ITFG2: variants seen among roughly 807,000 people sequenced by gnomAD.
ITFG2 encodes KICSTOR complex protein ITFG2.
Under a neutral mutation model 54.4 loss-of-function variants are expected in ITFG2, and 36 were observed. The observed-to-expected ratio is 0.66, with a 90% CI of 0.51 to 0.87. ITFG2 has a LOEUF of 0.87. Ranked by LOEUF, ITFG2 falls within the 40% of genes least tolerant of loss-of-function variation. The pLI, the probability that ITFG2 is intolerant of heterozygous loss-of-function variation, is 0.00. For missense variants in ITFG2, 524 were observed against 576.7 expected, an observed-to-expected ratio of 0.91 and a Z score of 0.94; for synonymous variants, 211 against 225.4, an observed-to-expected ratio of 0.94 and a Z score of 0.57.
chr12:2,819,334 G>A (rs2097934150), intron 4 of ITFG2, among the ~76,000 whole-genome samples: 2 of 152,138 alleles, frequency 1.3e-5, no homozygotes, highest in South Asian at 4.1e-4. Flanking sequence ...CGGGCATGGT[G>A]GTGGGCACCT....
chr12:2,843,587 T>G (rs887586136), intron 2 of ITFG2, among the ~76,000 whole-genome samples: 1 of 151,502 alleles, frequency 6.6e-6, no homozygotes, highest in Non-Finnish European at 1.5e-5. Flanking sequence ...CCGAGGTGGG[T>G]GGATCACCTG....
downstream of ITFG2, chr12:2,827,213 GC>G (rs1238362018): frequency 5.6e-6 from 9 of 1,614,116 alleles, no homozygotes; most frequent in Non-Finnish European, 7.6e-6. The surrounding 1 kb of genome is among the most constrained non-coding windows in gnomAD (Gnocchi z 4.0). Flanking sequence ...GCAGTCACTG[GC>G]CAGGCTCTTG....
intron 1 of ITFG2, among the ~76,000 whole-genome samples, chr12:2,838,602 T>C (rs1302598624): frequency 6.6e-6 from 1 of 152,192 alleles, no homozygotes; most frequent in Admixed American, 6.5e-5. Flanking sequence ...TGGAAACCAC[T>C]TGTGCTCCGA....
rs2097928500 is a variant in ITFG2 at position 2,818,231 on chromosome 12, G to A, written c.360G>A (p.Lys120=). ...LIGEEQRPVF[K]QHIPANTKVM... Reference sequence around the variant, plus strand: ...GAGAGGAGCAGCGTCCAGTCTTCAAGCAGCACATCCCTGCCAACACCAAGG... The same window carrying A: ...GAGAGGAGCAGCGTCCAGTCTTCAAACAGCACATCCCTGCCAACACCAAGG... Residue 120 remains lysine (K), a synonymous_variant, in exon 4 of 12, where the codon AAG becomes AAA. Coordinates refer to ENST00000228799, the MANE Select transcript of ITFG2 (RefSeq NM_018463.4). 3 of 1,613,798 alleles carry A rather than the reference G, an allele frequency of 1.9e-6. No individual in the cohort carries two copies. Among genetic ancestry groups the A allele is most frequent in the Non-Finnish European group, 2.5e-6 (3 of 1,180,044 alleles).
intron 9 of ITFG2, among the ~76,000 whole-genome samples, chr12:2,822,445 A>C (rs1178135039): frequency 1.3e-5 from 2 of 152,186 alleles, no homozygotes; most frequent in Non-Finnish European, 2.9e-5. Context: ...ATGAATCTCT[A>C]TTTAATATCA....
At chr12:2,834,978 T>G, upstream of ITFG2, 1 of 1,575,942 alleles carries the variant, frequency 6.3e-7, no homozygotes, top group East Asian at 2.3e-5. Flanking sequence ...GAAAAATAAA[T>G]AACATGCAGG....
intron 2 of ITFG2, 70 bp downstream of exon 2, chr12:2,817,388 GCCC>G: frequency 1.6e-5 from 17 of 1,090,318 alleles, no homozygotes; most frequent in East Asian, 2.4e-5. Context: ...CCTAGGGTGA[GCCC>G]CACACAGGTG....
intron 9 of ITFG2, among the ~76,000 whole-genome samples, 165 bp from the exon 10 acceptor site, chr12:2,822,629 A>G (rs532859861): frequency 6.6e-6 from 1 of 152,186 alleles, no homozygotes; most frequent in South Asian, 2.1e-4. Flanking sequence ...TCAGTATAAA[A>G]TTGCCTACTT....
intron 2 of ITFG2, among the ~76,000 whole-genome samples, chr12:2,841,986 G>C (rs149015958): frequency 0.028 from 4,247 of 151,380 alleles, 191 homozygotes; most frequent in African/African-American, 0.097. Context: ...CAAAGTGCTG[G>C]GATTACAGGC....
upstream of ITFG2, chr12:2,834,784 C>G (rs146023700): frequency 8.2e-5 from 132 of 1,613,836 alleles, no homozygotes; most frequent in African/African-American, 1.7e-3. Context: ...CTCCTGCCCC[C>G]TCGTCCTGGC....
upstream of ITFG2, among the ~76,000 whole-genome samples, chr12:2,831,890 C>T (rs2098005080): frequency 6.6e-6 from 1 of 152,132 alleles, no homozygotes; most frequent in Admixed American, 6.6e-5. Flanking sequence ...TGCCACAGTA[C>T]CTGGCCTCCA....
rs78093138 is a variant in ITFG2, at chr12:2,851,114, G to A, written n.301-6898G>A. On this transcript the variant is annotated intron_variant and non_coding_transcript_variant, in intron 2 of 3. Coordinates refer to the ITFG2 transcript ENST00000537710. Reference sequence around the variant, plus strand: ...CCCAGGAGGCAGTGAGCAGTGCCGAGATCATACCATTGCACTCCAGCCTGG... The same window carrying A: ...CCCAGGAGGCAGTGAGCAGTGCCGAAATCATACCATTGCACTCCAGCCTGG... Among the ~76,000 whole-genome samples, 204 of 150,200 alleles carry A rather than the reference G, an allele frequency of 1.4e-3. 2 individuals carry two copies. In the East Asian group the frequency reaches 0.017, roughly 12 times the overall value.
upstream of ITFG2, among the ~76,000 whole-genome samples, chr12:2,832,889 A>T (rs1449894417): frequency 6.6e-6 from 1 of 151,574 alleles, no homozygotes; most frequent in African/African-American, 2.4e-5. Context: ...TGCTCCTGGC[A>T]GCAAGGCTGC....
At chr12:2,843,655 A>G (rs2098046581) in intron 2 of ITFG2, among the ~76,000 whole-genome samples, 2 of 152,178 alleles carry the variant, frequency 1.3e-5, no homozygotes, top group Admixed American at 1.3e-4. Flanking sequence ...TCCACTAAAA[A>G]TACAAAAATT....
chr12:2,827,852 A>G, downstream of ITFG2: 1 of 1,609,720 alleles, frequency 6.2e-7, no homozygotes, highest in South Asian at 1.1e-5. The surrounding 1 kb of genome is among the most constrained non-coding windows in gnomAD (Gnocchi z 4.0). Context: ...AGGGAGTGAA[A>G]GTCTCAGCCT....
At position 2,823,796 on chromosome 12, in the gene ITFG2, A is replaced by G. The variant is rs1272943292; in HGVS notation, c.1093A>G (p.Asn365Asp). The change falls in exon 11 of 12, where the codon AAC becomes GAC. Residue 365 changes from asparagine (N) to aspartate (D), a missense_variant. Coordinates refer to ENST00000228799, the MANE Select transcript of ITFG2 (RefSeq NM_018463.4). ...AGLYACKEGRNSPCLVYVTFN... is the reference protein window; with the variant it reads ...AGLYACKEGRDSPCLVYVTFN... ...CCTGTACGCCTGCAAAGAGGGCCGC[A>G]ACAGCCCCTGCCTCGTATATGTCAC... 6.3e-7 allele frequency: 1 copy of G among 1,584,838 alleles called. No individual in the cohort carries two copies. Among genetic ancestry groups the G allele is most frequent in the Non-Finnish European group, 8.6e-7 (1 of 1,163,622 alleles).
chr12:2,818,967 A>G (rs1282863263), intron 4 of ITFG2, among the ~76,000 whole-genome samples: 1 of 151,878 alleles, frequency 6.6e-6, no homozygotes, highest in Admixed American at 6.6e-5. Flanking sequence ...GCAGTGACCC[A>G]GGATCATGCC....
rs35125854 is a variant in ITFG2 at position 2,850,978 on chromosome 12, CTTTTTT to C, written n.301-7015_301-7010del. ...TGAGCCAACACACCAGGCCCAGAGTCTTTTTTTTTTTTTTTTTTTTTTTTGAGACAG... is the reference window on the plus strand; with the variant it reads ...TGAGCCAACACACCAGGCCCAGAGTCTTTTTTTTTTTTTTTTTTGAGACAG... On this transcript the variant is annotated intron_variant and non_coding_transcript_variant, in intron 2 of 3. Transcript: ENST00000537710. Among the ~76,000 whole-genome samples the C allele has an allele frequency of 6.1e-5, 5 of 81,666 alleles. No homozygotes were observed. The East Asian group carries it at 2.3e-3, about 38-fold the overall frequency. 53.6% of individuals were successfully genotyped at this position (81,666 alleles called of 152,430 possible). A position where few individuals can be genotyped will look rare whatever the true frequency, so the allele number is the denominator to read the frequency against.
chr12:2,828,205 CTT>C (rs2153925737), downstream of ITFG2: 2 of 1,161,920 alleles, frequency 1.7e-6, no homozygotes, highest in East Asian at 4.7e-5. Context: ...TCTAGCCACT[CTT>C]TTGTTAAATA....
Sources: gnomAD v4.1 joint callset for allele counts (sites outside exome capture counted in the v4.1 genomes callset) on GRCh38, gnomAD v4.1.1 for gene constraint, Gnocchi (gnomAD v3.1) non-coding constraint, MANE v1.5 for transcripts, NCBI Gene and HGNC (gene_info 2026-07-23, HGNC 2026-07-21) for gene names.